ZNF202: variants seen among roughly 807,000 people sequenced by gnomAD.
The protein encoded by ZNF202 is zinc finger protein 202, also known as zinc finger protein with KRAB and SCAN domains 10.
In ZNF202, 22 loss-of-function variants were observed where a neutral mutation model predicts 54.5. That is an observed-to-expected ratio of 0.40 (90% CI 0.29 to 0.58). ZNF202 has a LOEUF of 0.58. Ranked by LOEUF, ZNF202 falls within the 20% of genes least tolerant of loss-of-function variation. ZNF202 has a pLI of 0.39. For synonymous variants in ZNF202, 294 were observed against 301.4 expected, an observed-to-expected ratio of 0.98 and a Z score of 0.26; for missense variants, 644 against 805.5, an observed-to-expected ratio of 0.80 and a Z score of 2.43.
At position 123,738,437 on chromosome 11, in the gene ZNF202, A is replaced by C. The variant is rs114107815; in HGVS notation, c.-98+1680T>G. ...CTACCCCAGAGCAGTTAATGGCCTAAATAAAGGAGGTCAAGCTATATGTCT... is the reference window on the plus strand; with the variant it reads ...CTACCCCAGAGCAGTTAATGGCCTACATAAAGGAGGTCAAGCTATATGTCT... On this transcript the variant is annotated intron_variant, in intron 3 of 8. Coordinates refer to ENST00000530393, the MANE Select transcript of ZNF202 (RefSeq NM_003455.4). 4.6e-3 allele frequency among the ~76,000 whole-genome samples: 701 copies of C among 152,308 alleles called. 2 individuals carry two copies. The highest frequency in any genetic ancestry group is 0.016 in the African/African-American group (675 of 41,562).
At chr11:123,739,202 G>A (rs1200274258) in intron 3 of ZNF202, among the ~76,000 whole-genome samples, 2 of 152,178 alleles carry the variant, frequency 1.3e-5, no homozygotes, top group Non-Finnish European at 2.9e-5. Flanking sequence ...CATTCACAGG[G>A]ATAGCTGTAG....
At chr11:123,735,881 A>G (rs1223433345) in intron 3 of ZNF202, among the ~76,000 whole-genome samples, 1 of 152,214 alleles carries the variant, frequency 6.6e-6, no homozygotes, top group Non-Finnish European at 1.5e-5. Flanking sequence ...TTGCTATTCT[A>G]ATACCTTTCT....
At position 123,724,698 on chromosome 11, in the gene ZNF202, CAG is replaced by C; in HGVS notation, c.*1297_*1298del. 1 of 152,208 alleles carries C rather than the reference CAG, an allele frequency of 6.6e-6. No homozygotes were observed. Among genetic ancestry groups the C allele is most frequent in the Non-Finnish European group, 1.5e-5 (1 of 68,040 alleles). 9.4% of individuals were successfully genotyped at this position (152,208 alleles called of 1,614,324 possible). On this transcript the variant is annotated 3_prime_UTR_variant, in exon 9 of 9. Coordinates refer to ENST00000530393, the MANE Select transcript of ZNF202 (RefSeq NM_003455.4). ...TCTCCAAGGAACCTTTAACTGGCAA[CAG>C]AGATTGTTGGGCCATCATGAGATGC...
In ZNF202 at chr11:123,725,592, C is replaced by G. The variant is rs534801963; in HGVS notation, c.*405G>C. On this transcript the variant is annotated 3_prime_UTR_variant, in exon 9 of 9. Coordinates refer to ENST00000530393, the MANE Select transcript of ZNF202 (RefSeq NM_003455.4). ...AAAGACAGAATCCTTCAGGCTCGTC[C>G]CTTCCCAAACCTAAGGGGCTGTCCT... 5.9e-6 allele frequency: 1 copy of G among 170,220 alleles called. No individual in the cohort carries two copies. Among genetic ancestry groups the G allele is most frequent in the South Asian group, 1.5e-4 (1 of 6,622 alleles). 10.5% of individuals were successfully genotyped at this position (170,220 alleles called of 1,614,324 possible).
rs1231599985 is a variant in ZNF202 at position 123,726,995 on chromosome 11, T to C, written c.953-4A>G. 6 of 1,604,422 alleles carry C rather than the reference T, an allele frequency of 3.7e-6. No individual in the cohort carries two copies. Among genetic ancestry groups the C allele is most frequent in the African/African-American group, 1.3e-5 (1 of 74,540 alleles). ...TCCTCATCTTTACTCCTATCTCCTG[T>C]AGAAAGGGTGAGAGGAAAAAGGGGG... On this transcript the variant is annotated splice_polypyrimidine_tract_variant and splice_region_variant and intron_variant, in intron 8 of 8. Transcript: ENST00000530393. The surrounding 1 kb of genome is among the most constrained non-coding windows in gnomAD (Gnocchi z 6.0).
At position 123,730,562 on chromosome 11, in the gene ZNF202, T is replaced by C; in HGVS notation, c.327A>G (p.Gln109=). 6.3e-7 allele frequency: 1 copy of C among 1,587,288 alleles called. No individual in the cohort carries two copies. The highest frequency in any genetic ancestry group is 8.6e-7 in the Non-Finnish European group (1 of 1,168,566). The part of the protein sequence containing the change: ...PGELQSWVRG[Q]RPESGEEAVT... ...CTGCCTCCTCGCCACTTTCTGGCCGTTGGCCCCGCACCCAGCTCTGTAGTT... is the reference window on the plus strand; with the variant it reads ...CTGCCTCCTCGCCACTTTCTGGCCGCTGGCCCCGCACCCAGCTCTGTAGTT... Residue 109 remains glutamine (Q), a synonymous_variant, in exon 4 of 9, where the codon CAA becomes CAG. Coordinates refer to ENST00000530393, the MANE Select transcript of ZNF202 (RefSeq NM_003455.4). This position sits in a 1 kb window ranked among gnomAD's most constrained non-coding sequence, Gnocchi z 6.0.
chr11:123,730,564 G>A lies in ZNF202; in HGVS notation c.325C>T (p.Gln109Ter). Residue 109 changes from glutamine to a stop codon, truncating the protein, a stop_gained, in exon 4 of 9, where the codon CAA becomes TAA. Coordinates refer to ENST00000530393, the MANE Select transcript of ZNF202 (RefSeq NM_003455.4). LOFTEE classifies it high-confidence loss of function. This position sits in a 1 kb window ranked among gnomAD's most constrained non-coding sequence, Gnocchi z 6.0. ...GCCTCCTCGCCACTTTCTGGCCGTTGGCCCCGCACCCAGCTCTGTAGTTCT... is the reference window on the plus strand; with the variant it reads ...GCCTCCTCGCCACTTTCTGGCCGTTAGCCCCGCACCCAGCTCTGTAGTTCT... ...PGELQSWVRG[Q>*]RPESGEEAVT... 6.3e-7 allele frequency: 1 copy of A among 1,588,524 alleles called. No individual in the cohort carries two copies. Among genetic ancestry groups the A allele is most frequent in the Non-Finnish European group, 8.6e-7 (1 of 1,169,110 alleles).
In ZNF202 at chr11:123,730,731, C is replaced by T; in HGVS notation, c.158G>A (p.Arg53His). 3 of 1,614,226 alleles carry T rather than the reference C, an allele frequency of 1.9e-6. No individual in the cohort carries two copies. The highest frequency in any genetic ancestry group is 2.5e-6 in the Non-Finnish European group (3 of 1,180,034). Residue 53 changes from arginine to histidine, a missense_variant, in exon 4 of 9, where the codon CGC (arginine) becomes CAC (histidine). Transcript: ENST00000530393. This position sits in a 1 kb window ranked among gnomAD's most constrained non-coding sequence, Gnocchi z 6.0. ...ETSHQNFRRF[R>H]YQEAASPREA... ...TCTAGGGCTTGCTGCCTCCTGGTAG[C>T]GGAAGCGTCGGAAGTTCTGGTGGGA...
In ZNF202 at chr11:123,724,226, A is replaced by C. The variant is rs904172333; in HGVS notation, c.*1771T>G. On this transcript the variant is annotated 3_prime_UTR_variant, in exon 9 of 9. Coordinates refer to ENST00000530393, the MANE Select transcript of ZNF202 (RefSeq NM_003455.4). ...ATCCCAACCCTTCCTTTCCTCAAGG[A>C]AAAATACTCTGTACTCCCAGATCTA... 1 of 152,228 alleles carries C rather than the reference A, an allele frequency of 6.6e-6. No individual in the cohort carries two copies. The highest frequency in any genetic ancestry group is 2.4e-5 in the African/African-American group (1 of 41,462). 9.4% of individuals were successfully genotyped at this position (152,228 alleles called of 1,614,324 possible).
Position 123,729,280 on chromosome 11 carries a change from G to A in ZNF202, c.614-66C>T, listed in dbSNP as rs762131357. 1.1e-3 allele frequency: 1,612 copies of A among 1,495,870 alleles called. 2 individuals are homozygous for A. The highest frequency in any genetic ancestry group is 1.3e-3 in the Non-Finnish European group (1,391 of 1,094,998). The allele number at this position is 1,495,870 out of a possible 1,614,324, so 92.7% of individuals were successfully genotyped here. On this transcript the variant is annotated intron_variant, in intron 5 of 8. Transcript: ENST00000530393. ...GCCCCAATAATGGGCAAAAATCTGG[G>A]CATCCCCCACCATCTTTGGTAGGAA...
chr11:123,737,854 T>C (rs1861696008), intron 3 of ZNF202, among the ~76,000 whole-genome samples: 1 of 152,154 alleles, frequency 6.6e-6, no homozygotes, highest in Non-Finnish European at 1.5e-5. Context: ...GATGATTCTT[T>C]ATCTAAAGGT....
chr11:123,729,640 C>T lies in ZNF202; in HGVS notation c.588G>A (p.Glu196=). 1 of 1,604,288 alleles carries T rather than the reference C, an allele frequency of 6.2e-7. No individual in the cohort carries two copies. The highest frequency in any genetic ancestry group is 8.5e-7 in the Non-Finnish European group (1 of 1,175,574). Residue 196 remains glutamate, a synonymous_variant, in exon 5 of 9, where the codon GAG becomes GAA. Coordinates refer to ENST00000530393, the MANE Select transcript of ZNF202 (RefSeq NM_003455.4). ...APAEQRPHQE[E]ELQTLQESEV... ...CGCTCTCCTGCAGGGTCTGGAGCTC[C>T]TCTTCCTGGTGTGGACGCTGCTCTG... is the stretch of plus-strand genomic sequence containing the variant.
In ZNF202 at chr11:123,729,653, G is replaced by A. The variant is rs1470376632; in HGVS notation, c.575C>T (p.Pro192Leu). The A allele has an allele frequency of 5.6e-6, 9 of 1,608,864 alleles. No individual in the cohort carries two copies. The South Asian group carries it at 8.9e-5, about 16-fold the overall frequency. Residue 192 changes from proline to leucine, a missense_variant, in exon 5 of 9, where the codon CCA becomes CTA. Pro to Leu is a moderately conservative substitution (Grantham distance 98). This residue lies in a region of ZNF202 where 536 missense variants were observed against 635.3 expected (regional missense o/e 0.84). Coordinates refer to ENST00000530393, the MANE Select transcript of ZNF202 (RefSeq NM_003455.4). ...GGTCTGGAGCTCCTCTTCCTGGTGT[G>A]GACGCTGCTCTGCCGGTGCCCCCAG... is the stretch of plus-strand genomic sequence containing the variant. ...PDLGAPAEQR[P>L]HQEEELQTLQ...
chr11:123,731,043 A>G, intron 3 of ZNF202, 58 bp from the exon 4 acceptor site: 1 of 806,084 alleles, frequency 1.2e-6, no homozygotes, highest in Admixed American at 3.0e-5. Flanking sequence ...CACAAGGACA[A>G]CAGCCTGAGT....
intron 8 of ZNF202, 77 bp from the exon 9 acceptor site, chr11:123,727,068 A>G: frequency 6.6e-7 from 1 of 1,516,988 alleles, no homozygotes. Flanking sequence ...AGATTTTTAC[A>G]AAGGGTTTTG....
rs1341530107 is a variant in ZNF202 at position 123,725,312 on chromosome 11, T to G, written c.*685A>C. 1 of 152,190 alleles carries G rather than the reference T, an allele frequency of 6.6e-6. No individual in the cohort carries two copies. The highest frequency in any genetic ancestry group is 1.5e-5 in the Non-Finnish European group (1 of 68,038). 9.4% of individuals were successfully genotyped at this position (152,190 alleles called of 1,614,324 possible). ...AAAGAGGCTTCTGACTAGGCCCTCC[T>G]TTCTAGCAGTGTTTGGCACCTGATA... is the stretch of plus-strand genomic sequence containing the variant. On this transcript the variant is annotated 3_prime_UTR_variant, in exon 9 of 9. Transcript: ENST00000530393.
intron 3 of ZNF202, chr11:123,738,674 G>C (rs1384805347): frequency 6.6e-6 from 1 of 152,196 alleles, no homozygotes; most frequent in Non-Finnish European, 1.5e-5. Context: ...ATATATAACA[G>C]AGCTGACCGG....
At position 123,726,911 on chromosome 11, in the gene ZNF202, C is replaced by A; in HGVS notation, c.1033G>T (p.Glu345Ter). ...TCTGGAGTCTGGTGAATTTCTGGTT[C>A]TCCCAAAACAGGCCTGTGTATATCC... is the stretch of plus-strand genomic sequence containing the variant. ...LEDIHRPVLG[E>*]PEIHQTPDWE... is the part of the protein sequence containing the mutation. The change falls in exon 9 of 9, where the codon GAA becomes TAA. Residue 345 changes from glutamate (E) to a stop codon, truncating the protein, a stop_gained. Coordinates refer to ENST00000530393, the MANE Select transcript of ZNF202 (RefSeq NM_003455.4). LOFTEE classifies it high-confidence loss of function. This position sits in a 1 kb window ranked among gnomAD's most constrained non-coding sequence, Gnocchi z 6.0. 1 of 1,614,158 alleles carries A rather than the reference C, an allele frequency of 6.2e-7. No homozygotes were observed. The highest frequency in any genetic ancestry group is 8.5e-7 in the Non-Finnish European group (1 of 1,180,042).
rs376619434 is a variant in ZNF202 at position 123,726,636 on chromosome 11, T to C, written c.1308A>G (p.Arg436=). Residue 436 remains arginine, a synonymous_variant, in exon 9 of 9, where the codon CGA becomes CGG. Coordinates refer to ENST00000530393, the MANE Select transcript of ZNF202 (RefSeq NM_003455.4). This position sits in a 1 kb window ranked among gnomAD's most constrained non-coding sequence, Gnocchi z 6.0. The part of the protein sequence containing the change: ...KCMECGKSYT[R]SSHLARHQKV... The stretch of plus-strand genomic sequence containing the variant: ...TTTGGTGCCTGGCAAGATGTGAGCT[T>C]CGTGTGTAACTTTTTCCACATTCCA... The C allele has an allele frequency of 3.7e-6, 6 of 1,614,058 alleles. No individual in the cohort carries two copies. In the African/African-American group the frequency reaches 8.0e-5, roughly 22 times the overall value.
Sources: allele counts gnomAD v4.1 joint callset (sites outside exome capture counted in the v4.1 genomes callset), GRCh38; gene constraint gnomAD v4.1.1; regional missense constraint gnomAD v4.1.1; non-coding constraint Gnocchi (gnomAD v3.1); transcripts MANE v1.5; gene names NCBI Gene and HGNC (gene_info 2026-07-23, HGNC 2026-07-21).